Variants in UBL3 observed in about 807,000 individuals in gnomAD.
UBL3 encodes the protein ubiquitin like 3, also known as ubiquitin-like protein 3.
Under a neutral mutation model 18.4 loss-of-function variants are expected in UBL3, and 6 were observed. The observed-to-expected ratio is 0.33, with a 90% CI of 0.18 to 0.64. The LOEUF (loss-of-function observed/expected upper bound fraction) is 0.64. Ranked by LOEUF, UBL3 falls within the 30% of genes least tolerant of loss-of-function variation. UBL3 has a pLI of 0.76. For missense variants in UBL3, 109 were observed against 142.9 expected (o/e 0.76, Z 1.21); for synonymous variants, 49 against 46.6 (o/e 1.05, Z -0.21).
At chr13:29,820,740 T>C in intron 1 of UBL3, among the ~76,000 whole-genome samples, 1 of 152,234 alleles carries the variant, frequency 6.6e-6, no homozygotes, top group African/African-American at 2.4e-5. Context: ...ACAGTAAACA[T>C]AACTACATTC....
intron 4 of UBL3, 58 bp downstream of exon 4, chr13:29,767,560 A>AT: frequency 6.3e-7 from 1 of 1,577,018 alleles, no homozygotes; most frequent in Non-Finnish European, 8.7e-7. Context: ...AAAACCTAGC[A>AT]TTTTTGAATG....
chr13:29,786,633 C>T (rs1877326223), intron 1 of UBL3, among the ~76,000 whole-genome samples: 1 of 152,208 alleles, frequency 6.6e-6, no homozygotes, highest in Admixed American at 6.5e-5. Context: ...ACCTATAATA[C>T]ATCTGAATTC....
At chr13:29,846,684 G>T (rs1443708873) in intron 1 of UBL3, among the ~76,000 whole-genome samples, 1 of 152,020 alleles carries the variant, frequency 6.6e-6, no homozygotes, top group East Asian at 1.9e-4. Context: ...ACATGATAGG[G>T]GTTAACTTCA....
intron 1 of UBL3, among the ~76,000 whole-genome samples, chr13:29,788,585 C>T (rs1245803962): frequency 1.3e-5 from 2 of 152,094 alleles, no homozygotes; most frequent in South Asian, 2.1e-4. Context: ...CTATCTTATT[C>T]GAATAGCCTC....
intron 1 of UBL3, among the ~76,000 whole-genome samples, chr13:29,816,710 G>T (rs1034501501): frequency 7.6e-6 from 1 of 131,798 alleles, no homozygotes; most frequent in Non-Finnish European, 1.6e-5. Flanking sequence ...AACTGTGTTT[G>T]TGCCACTGTA....
At chr13:29,767,999 A>T (rs988350929) in intron 3 of UBL3, among the ~76,000 whole-genome samples, 2 of 151,958 alleles carry the variant, frequency 1.3e-5, no homozygotes, top group Non-Finnish European at 2.9e-5. Context: ...AAAGGATTAA[A>T]TTTTTTTTAA....
chr13:29,797,617 T>G (rs1315120147), intron 1 of UBL3, among the ~76,000 whole-genome samples: 1 of 152,180 alleles, frequency 6.6e-6, no homozygotes, highest in African/African-American at 2.4e-5. Flanking sequence ...GGAGGCACAT[T>G]ACGTAAGTGT....
At chr13:29,825,443 T>C (rs1429437237) in intron 1 of UBL3, among the ~76,000 whole-genome samples, 1 of 152,200 alleles carries the variant, frequency 6.6e-6, no homozygotes, top group Non-Finnish European at 1.5e-5. Context: ...GATTCCTAGG[T>C]ATTTTATTCT....
chr13:29,849,437 A>C, intron 1 of UBL3, 75 bp downstream of exon 1: 1 of 1,605,464 alleles, frequency 6.2e-7, no homozygotes, highest in South Asian at 1.1e-5. Context: ...TCTTCGCCCC[A>C]CGCCTGCCGT....
intron 1 of UBL3, among the ~76,000 whole-genome samples, chr13:29,801,993 A>C (rs1260543645): frequency 6.6e-6 from 1 of 152,214 alleles, no homozygotes; most frequent in Non-Finnish European, 1.5e-5. Context: ...AGCAGTGTGC[A>C]GCCTGGGAGT....
At chr13:29,849,423 C>A in intron 1 of UBL3, 89 bp downstream of exon 1, 1 of 1,587,416 alleles carries the variant, frequency 6.3e-7, no homozygotes, top group Non-Finnish European at 8.6e-7. Flanking sequence ...CAGTCCCCAG[C>A]AAATCTTCGC....
intron 1 of UBL3, among the ~76,000 whole-genome samples, chr13:29,806,135 C>CCA (rs1877892420): frequency 2.0e-5 from 3 of 152,126 alleles, no homozygotes; most frequent in Admixed American, 2.0e-4. Context: ...CAAGATTGCA[C>CCA]CACTGCACTC....
chr13:29,788,864 TGTGTGTGCGCGCGCGCGC>T (rs1877399918), intron 1 of UBL3, among the ~76,000 whole-genome samples: 4 of 20,726 alleles, frequency 1.9e-4, no homozygotes, highest in East Asian at 5.5e-3. Flanking sequence ...TGTGTGTGTG[TGTGTGTGCGCGCGCGCGC>T]GCACGCGCAC....
intron 1 of UBL3, among the ~76,000 whole-genome samples, chr13:29,821,725 C>T (rs376857806): frequency 5.9e-5 from 9 of 152,188 alleles, no homozygotes; most frequent in South Asian, 2.1e-4. Context: ...TTCTCTAGTA[C>T]GAGACCATAT....
chr13:29,810,238 G>A (rs1343646736), intron 1 of UBL3, among the ~76,000 whole-genome samples: 1 of 152,134 alleles, frequency 6.6e-6, no homozygotes. Flanking sequence ...AAAAATAACT[G>A]GCCACGTGAT....
In UBL3 at chr13:29,777,200, A is replaced by G; in HGVS notation, c.91T>C (p.Ser31Pro). 1 of 1,609,894 alleles carries G rather than the reference A, an allele frequency of 6.2e-7. No individual in the cohort carries two copies. Among genetic ancestry groups the G allele is most frequent in the Non-Finnish European group, 8.5e-7 (1 of 1,177,932 alleles). The change falls in exon 2 of 5, where the codon TCT (serine) becomes CCT (proline). Residue 31 changes from serine to proline, a missense_variant. Coordinates refer to ENST00000380680, the MANE Select transcript of UBL3 (RefSeq NM_007106.4). ...TKEFLFSPND[S>P]ASDIAKHVYD... ...ACATGCTTTGCAATGTCAGAAGCAG[A>G]ATCGTTAGGAGAAAACAGGAACTCT...
rs772303501 is a variant in UBL3 at position 29,767,177 on chromosome 13, T to C, written c.*78A>G. On this transcript the variant is annotated 3_prime_UTR_variant, in exon 5 of 5. Coordinates refer to ENST00000380680, the MANE Select transcript of UBL3 (RefSeq NM_007106.4). The stretch of plus-strand genomic sequence containing the variant: ...CAGGCAGACTGTTCTGAACGGTTTC[T>C]GAAGCAATGTCGGGTCTTTTCTGTC... 54 of 1,539,778 alleles carry C rather than the reference T, an allele frequency of 3.5e-5. No individual in the cohort carries two copies. Among genetic ancestry groups the C allele is most frequent in the Non-Finnish European group, 4.6e-5 (52 of 1,118,776 alleles).
At chr13:29,841,866 C>A (rs932746655) in intron 1 of UBL3, among the ~76,000 whole-genome samples, 1 of 152,190 alleles carries the variant, frequency 6.6e-6, no homozygotes, top group Non-Finnish European at 1.5e-5. Flanking sequence ...ACTGTGATAT[C>A]TGAAAGATAG....
intron 1 of UBL3, among the ~76,000 whole-genome samples, chr13:29,839,654 G>A (rs542533926): frequency 2.2e-4 from 33 of 152,198 alleles, no homozygotes; most frequent in South Asian, 1.0e-3. Context: ...TAGGCCGGGC[G>A]CAGTGGCTCA....
Sources: allele counts gnomAD v4.1 joint callset (sites outside exome capture counted in the v4.1 genomes callset), GRCh38; gene constraint gnomAD v4.1.1; transcripts MANE v1.5; gene names NCBI Gene and HGNC (gene_info 2026-07-23, HGNC 2026-07-21).